OPA1: variants seen among roughly 807,000 people sequenced by gnomAD.
The protein encoded by OPA1 is dynamin-like GTPase OPA1, mitochondrial.
A neutral mutation model predicts 152.9 loss-of-function variants in OPA1; 59 were observed. The ratio of observed to expected loss-of-function variants is 0.39; its 90% CI spans 0.31 to 0.48. The LOEUF (loss-of-function observed/expected upper bound fraction) is 0.48. Ranked by LOEUF, OPA1 falls within the 20% of genes least tolerant of loss-of-function variation. The pLI is 0.96. For missense variants in OPA1, 1,008 were observed against 1,216.8 expected (o/e 0.83, Z 2.55); for synonymous variants, 400 against 389.9 (o/e 1.03, Z -0.31).
At chr3:193,690,541 A>G (rs908015592) in intron 29 of OPA1, among the ~76,000 whole-genome samples, 2 of 151,980 alleles carry the variant, frequency 1.3e-5, no homozygotes, top group African/African-American at 4.8e-5. Context: ...TTACTGGAAA[A>G]AGAATATGAA....
chr3:193,638,444 A>G (rs952956557), intron 11 of OPA1, among the ~76,000 whole-genome samples: 2 of 152,252 alleles, frequency 1.3e-5, no homozygotes, highest in Non-Finnish European at 2.9e-5. Context: ...TGTTGAATTA[A>G]GGGAAGGTTT....
At chr3:193,603,298 C>T (rs185899161) in intron 1 of OPA1, among the ~76,000 whole-genome samples, 18 of 152,290 alleles carry the variant, frequency 1.2e-4, no homozygotes, top group East Asian at 1.2e-3. Context: ...AAATCAGATG[C>T]GTTGCACTGT....
intron 1 of OPA1, chr3:193,596,763 T>G (rs886409582): frequency 6.6e-6 from 1 of 152,194 alleles, no homozygotes; most frequent in Admixed American, 6.5e-5. Flanking sequence ...CCCTTGGCGC[T>G]CTGTATACTC....
intron 25 of OPA1, among the ~76,000 whole-genome samples, chr3:193,660,524 ATTTC>A (rs1363226784): frequency 2.6e-5 from 4 of 152,154 alleles, no homozygotes; most frequent in African/African-American, 9.7e-5. Context: ...AGATGTCCCT[ATTTC>A]TTTATTTTAT....
chr3:193,663,070 T>C (rs1057278951), intron 26 of OPA1, 108 bp downstream of exon 26: 3 of 1,114,416 alleles, frequency 2.7e-6, no homozygotes, highest in Non-Finnish European at 4.0e-6. Flanking sequence ...ATTTGACTTT[T>C]GTCACGTGTA....
chr3:193,618,785 T>C (rs989698174), intron 5 of OPA1, 84 bp from the exon 6 acceptor site: 136 of 1,105,126 alleles, frequency 1.2e-4, no homozygotes, highest in Non-Finnish European at 6.3e-5. Flanking sequence ...CATTCACCTT[T>C]TCATTGACTC....
chr3:193,684,697 C>T (rs946114267), intron 29 of OPA1, among the ~76,000 whole-genome samples: 4 of 151,832 alleles, frequency 2.6e-5, no homozygotes, highest in East Asian at 2.0e-4. Context: ...GTGATCCACC[C>T]GCCTCGGCCT....
At chr3:193,641,456 GGTTTT>G (rs57532705) in intron 11 of OPA1, among the ~76,000 whole-genome samples, 152,047 of 152,048 alleles carry the variant, frequency 1, 76,023 homozygotes, top group Non-Finnish European at 1. Context: ...CAGGATGTAG[GGTTTT>G]GTTTTGTTTT....
Position 193,697,791 on chromosome 3 carries a change from A to T in OPA1, c.*3191A>T, listed in dbSNP as rs1023506361. On this transcript the variant is annotated 3_prime_UTR_variant, in exon 31 of 31. Transcript: ENST00000361510. ...TGTTATTTTCCTTGGTAAAATATATAAAAAAGGTTTTCTAATTTCACTTTG... is the reference window on the plus strand; with the variant it reads ...TGTTATTTTCCTTGGTAAAATATATTAAAAAGGTTTTCTAATTTCACTTTG... 3.3e-5 allele frequency: 5 copies of T among 152,190 alleles called. No individual in the cohort carries two copies. Among genetic ancestry groups the T allele is most frequent in the Non-Finnish European group, 7.3e-5 (5 of 68,032 alleles). 9.4% of individuals were successfully genotyped at this position (152,190 alleles called of 1,614,324 possible). A position where few individuals can be genotyped will look rare whatever the true frequency, so the allele number is the denominator to read the frequency against.
chr3:193,669,803 A>G (rs1224606815), intron 29 of OPA1, among the ~76,000 whole-genome samples: 1 of 152,126 alleles, frequency 6.6e-6, no homozygotes, highest in Admixed American at 6.6e-5. Flanking sequence ...CTCCGCTCCC[A>G]ATTTGATTAT....
intron 26 of OPA1, among the ~76,000 whole-genome samples, chr3:193,664,208 A>T (rs1715982189): frequency 6.6e-6 from 1 of 152,112 alleles, no homozygotes; most frequent in Admixed American, 6.6e-5. Flanking sequence ...TATTGCATGG[A>T]CTAGATATCA....
Position 193,697,056 on chromosome 3 carries a change from A to G in OPA1, c.*2456A>G, listed in dbSNP as rs1722307391. 1.3e-5 allele frequency: 2 copies of G among 152,228 alleles called. No individual in the cohort carries two copies. The highest frequency in any genetic ancestry group is 4.8e-5 in the African/African-American group (2 of 41,450). The allele number at this position is 152,228 out of a possible 1,614,324, so 9.4% of individuals were successfully genotyped here. ...CCTCCAAATGCAAATGAATGATATA[A>G]AAATAAGTAGGGAACATGGCAGAGA... is the stretch of plus-strand genomic sequence containing the variant. On this transcript the variant is annotated 3_prime_UTR_variant, in exon 31 of 31. Coordinates refer to ENST00000361510, the MANE Select transcript of OPA1 (RefSeq NM_130837.3).
chr3:193,654,974 G>A lies in OPA1; in HGVS notation c.2125G>A (p.Asp709Asn). 1 of 1,613,918 alleles carries A rather than the reference G, an allele frequency of 6.2e-7. No homozygotes were observed. Among genetic ancestry groups the A allele is most frequent in the Non-Finnish European group, 8.5e-7 (1 of 1,179,908 alleles). The part of the protein sequence containing the change: ...MNSGTFNTTV[D>N]IKLKQWTDKQ... ...TTCAGGAACTTTTAACACCACAGTGGATATCAAGCTTAAACAGTGGACTGA... is the reference window on the plus strand; with the variant it reads ...TTCAGGAACTTTTAACACCACAGTGAATATCAAGCTTAAACAGTGGACTGA... The change falls in exon 22 of 31, where the codon GAT (aspartate) becomes AAT (asparagine). Residue 709 changes from aspartate (D) to asparagine (N), a missense_variant. Transcript: ENST00000361510.
Position 193,659,565 on chromosome 3 carries a change from G to A in OPA1, c.2520+4G>A, listed in dbSNP as rs1577307342. On this transcript the variant is annotated splice_donor_region_variant and intron_variant, in intron 25 of 30. Coordinates refer to ENST00000361510, the MANE Select transcript of OPA1 (RefSeq NM_130837.3). ...GAAGAATCGGACCCAAGAACAGGTA[G>A]AAATAAACAAGTCTCTAGTCTTATG... 1.2e-6 allele frequency: 2 copies of A among 1,606,356 alleles called. No individual in the cohort carries two copies. The highest frequency in any genetic ancestry group is 1.7e-6 in the Non-Finnish European group (2 of 1,174,460).
At chr3:193,642,412 T>C (rs1020847808) in intron 11 of OPA1, among the ~76,000 whole-genome samples, 1 of 152,206 alleles carries the variant, frequency 6.6e-6, no homozygotes, top group Non-Finnish European at 1.5e-5. Context: ...AAATGCAAGG[T>C]TTCCTTTTAG....
At chr3:193,632,646 A>G (rs1241996503) in intron 8 of OPA1, among the ~76,000 whole-genome samples, 1 of 152,162 alleles carries the variant, frequency 6.6e-6, no homozygotes, top group Non-Finnish European at 1.5e-5. Flanking sequence ...AGGCAGGAGG[A>G]TCGCTTGAGC....
chr3:193,612,462 A>C (rs1407253482), intron 1 of OPA1, among the ~76,000 whole-genome samples: 1 of 152,024 alleles, frequency 6.6e-6, no homozygotes, highest in Non-Finnish European at 1.5e-5. Flanking sequence ...TTTGCAAAGA[A>C]TCTTTTAAGG....
intron 1 of OPA1, among the ~76,000 whole-genome samples, chr3:193,609,552 T>G (rs910064917): frequency 1.3e-5 from 2 of 152,170 alleles, no homozygotes; most frequent in Admixed American, 6.5e-5. Context: ...CTTTGTGGCA[T>G]TCTCTGTGTT....
chr3:193,619,770 G>T (rs1729706464), intron 6 of OPA1: 2 of 152,098 alleles, frequency 1.3e-5, no homozygotes, highest in South Asian at 4.2e-4. Flanking sequence ...TATACTGGAG[G>T]TTATTATAGT....
Sources: allele counts gnomAD v4.1 joint callset (sites outside exome capture counted in the v4.1 genomes callset), GRCh38; gene constraint gnomAD v4.1.1; transcripts MANE v1.5; gene names NCBI Gene and HGNC (gene_info 2026-07-23, HGNC 2026-07-21).